ZNF326: variants seen among roughly 807,000 people sequenced by gnomAD.
The protein encoded by ZNF326 is DBIRD complex subunit ZNF326.
In ZNF326, 30 loss-of-function variants were observed where a neutral mutation model predicts 63.1. The observed-to-expected ratio is 0.48, with a 90% CI of 0.36 to 0.64. The LOEUF is 0.64. Ranked by LOEUF, ZNF326 falls within the 30% of genes least tolerant of loss-of-function variation. ZNF326 has a pLI of 0.00. For synonymous variants in ZNF326, 194 were observed against 228.2 expected, an observed-to-expected ratio of 0.85 and a Z score of 1.35; for missense variants, 609 against 720.3, an observed-to-expected ratio of 0.85 and a Z score of 1.77.
At chr1:89,996,218 G>A (rs77297285) in intron 1 of ZNF326, among the ~76,000 whole-genome samples, 7,725 of 152,228 alleles carry the variant, frequency 0.051, 259 homozygotes, top group Middle Eastern at 0.11. Context: ...GGAGACATGG[G>A]AAAGGACTTA....
At chr1:90,020,248 T>A (rs1649703612) in intron 9 of ZNF326, among the ~76,000 whole-genome samples, 1 of 152,024 alleles carries the variant, frequency 6.6e-6, no homozygotes, top group Admixed American at 6.6e-5. Flanking sequence ...AGGCCCTTCT[T>A]TTTTTCTATT....
chr1:90,003,885 ATTG>A (rs1570294838), intron 2 of ZNF326, among the ~76,000 whole-genome samples: 1 of 152,124 alleles, frequency 6.6e-6, no homozygotes, highest in Non-Finnish European at 1.5e-5. Context: ...TGTTGTCATT[ATTG>A]TTGGGACTAG....
chr1:90,003,193 C>T (rs1307179910), intron 2 of ZNF326, among the ~76,000 whole-genome samples: 2 of 151,044 alleles, frequency 1.3e-5, no homozygotes, highest in African/African-American at 4.9e-5. Flanking sequence ...TGCAGTGGCA[C>T]GATCTTGGCT....
In ZNF326 at chr1:90,030,987, A is replaced by G. The variant is rs1416610684; in HGVS notation, c.*3286A>G. 2 of 152,234 alleles carry G rather than the reference A, an allele frequency of 1.3e-5. No homozygotes were observed. Among genetic ancestry groups the G allele is most frequent in the Non-Finnish European group, 2.9e-5 (2 of 68,044 alleles). The allele number at this position is 152,234 out of a possible 1,614,324, so 9.4% of individuals were successfully genotyped here. A position where few individuals can be genotyped will look rare whatever the true frequency, so the allele number is the denominator to read the frequency against. On this transcript the variant is annotated 3_prime_UTR_variant, in exon 12 of 12. Transcript: ENST00000340281. ...TGGAGGTGATATATTTTTAACAAAT[A>G]TCTCACATGATTTTGAAGGTAGTGG...
chr1:90,022,205 A>T (rs551795473), intron 10 of ZNF326, 45 bp from the exon 11 acceptor site: 1 of 1,351,250 alleles, frequency 7.4e-7, no homozygotes, highest in Admixed American at 2.1e-5. Context: ...AATATTTTTC[A>T]TGGCATGGTT....
chr1:90,017,497 T>G, intron 8 of ZNF326, 33 bp downstream of exon 8: 1 of 1,546,824 alleles, frequency 6.5e-7, no homozygotes, highest in Non-Finnish European at 8.7e-7. Context: ...AGAAGCATTT[T>G]ATTGATATGA....
chr1:90,009,977 C>A, intron 5 of ZNF326, 111 bp from the exon 6 acceptor site: 1 of 1,026,514 alleles, frequency 9.7e-7, no homozygotes, highest in Non-Finnish European at 1.4e-6. Context: ...TAGTTACATT[C>A]CAGGGAATTT....
chr1:89,995,882 G>A (rs1648342893), intron 1 of ZNF326, among the ~76,000 whole-genome samples: 1 of 152,164 alleles, frequency 6.6e-6, no homozygotes, highest in Admixed American at 6.5e-5. Context: ...AAAATTACCT[G>A]CTTATTAATC....
intron 1 of ZNF326, among the ~76,000 whole-genome samples, chr1:89,997,206 A>G (rs1233083986): frequency 6.6e-6 from 1 of 152,152 alleles, no homozygotes; most frequent in Non-Finnish European, 1.5e-5. Context: ...ACTATATTAA[A>G]TTCTGTTCTT....
chr1:89,996,703 C>CA (rs1648393976), intron 1 of ZNF326, among the ~76,000 whole-genome samples: 1 of 151,172 alleles, frequency 6.6e-6, no homozygotes, highest in African/African-American at 2.4e-5. Flanking sequence ...CGTGCCATTG[C>CA]ACTCTAGCCT....
At chr1:90,023,358 T>G (rs1023652705) in intron 11 of ZNF326, among the ~76,000 whole-genome samples, 2 of 152,218 alleles carry the variant, frequency 1.3e-5, no homozygotes, top group African/African-American at 4.8e-5. Context: ...TTTGTTTATT[T>G]TGTCTATTGT....
In ZNF326 at chr1:90,005,927, T is replaced by C. The variant is rs973432422; in HGVS notation, c.209+683T>C. ...TTTCCTGTTACTACTGTATAAAGCTTAAACCTACTTAAACAACTACAAGCT... is the reference window on the plus strand; with the variant it reads ...TTTCCTGTTACTACTGTATAAAGCTCAAACCTACTTAAACAACTACAAGCT... On this transcript the variant is annotated intron_variant, in intron 4 of 11. Transcript: ENST00000340281. 8 of 985,446 alleles carry C rather than the reference T, an allele frequency of 8.1e-6. No homozygotes were observed. In the African/African-American group the frequency reaches 1.2e-4, roughly 15 times the overall value. 61.0% of individuals were successfully genotyped at this position (985,446 alleles called of 1,614,324 possible). A position where few individuals can be genotyped will look rare whatever the true frequency, so the allele number is the denominator to read the frequency against.
At chr1:89,997,044 G>A (rs1369146011) in intron 1 of ZNF326, among the ~76,000 whole-genome samples, 2 of 152,220 alleles carry the variant, frequency 1.3e-5, no homozygotes, top group Admixed American at 6.5e-5. Flanking sequence ...CAGTGTCAGT[G>A]ATAGAAATTC....
intron 11 of ZNF326, 92 bp from the exon 12 acceptor site, chr1:90,027,258 CATTT>C (rs1557532130): frequency 2.6e-6 from 3 of 1,133,376 alleles, no homozygotes; most frequent in East Asian, 2.4e-5. Context: ...TTCAAAATGG[CATTT>C]ATTTCTCATG....
At chr1:90,017,628 C>T (rs1300883093) in intron 8 of ZNF326, among the ~76,000 whole-genome samples, 164 bp downstream of exon 8, 1 of 152,194 alleles carries the variant, frequency 6.6e-6, no homozygotes, top group Non-Finnish European at 1.5e-5. Flanking sequence ...GTGAATTCCT[C>T]TATAATAGAA....
chr1:89,998,890 CAAAGTA>C (rs1373802654), intron 2 of ZNF326, among the ~76,000 whole-genome samples: 6 of 152,080 alleles, frequency 3.9e-5, no homozygotes, highest in Non-Finnish European at 8.8e-5. Flanking sequence ...AATATATTCA[CAAAGTA>C]AAACTGAAGC....
At position 90,030,549 on chromosome 1, in the gene ZNF326, C is replaced by T. The variant is rs1234567040; in HGVS notation, c.*2848C>T. 1 of 152,134 alleles carries T rather than the reference C, an allele frequency of 6.6e-6. No individual in the cohort carries two copies. Among genetic ancestry groups the T allele is most frequent in the Admixed American group, 6.5e-5 (1 of 15,278 alleles). 9.4% of individuals were successfully genotyped at this position (152,134 alleles called of 1,614,324 possible). On this transcript the variant is annotated 3_prime_UTR_variant, in exon 12 of 12. Coordinates refer to ENST00000340281, the MANE Select transcript of ZNF326 (RefSeq NM_182976.4). ...TTTCCTTGGCTGATTCTTCATCCTT[C>T]AGGTCACCTTAAATGTTAGAAAAGG...
At position 90,032,490 on chromosome 1, in the gene ZNF326, G is replaced by A. The variant is rs745699011; in HGVS notation, c.*4789G>A. The A allele has an allele frequency of 6.6e-5, 10 of 152,234 alleles. No homozygotes were observed. The highest frequency in any genetic ancestry group is 1.3e-4 in the Admixed American group (2 of 15,286). The allele number at this position is 152,234 out of a possible 1,614,324, so 9.4% of individuals were successfully genotyped here. ...TAAATTCTAAAGTTCTATTAAAATT[G>A]TAGAGGAGATACAATAATACAAATT... On this transcript the variant is annotated 3_prime_UTR_variant, in exon 12 of 12. Coordinates refer to ENST00000340281, the MANE Select transcript of ZNF326 (RefSeq NM_182976.4).
intron 1 of ZNF326, among the ~76,000 whole-genome samples, chr1:89,997,733 C>T (rs986993276): frequency 7.2e-5 from 11 of 152,170 alleles, no homozygotes; most frequent in Admixed American, 3.9e-4. Context: ...GCAAAAATTT[C>T]ATGTTACGTA....
Sources: gnomAD v4.1 joint callset for allele counts (sites outside exome capture counted in the v4.1 genomes callset) on GRCh38, gnomAD v4.1.1 for gene constraint, MANE v1.5 for transcripts, NCBI Gene and HGNC (gene_info 2026-07-23, HGNC 2026-07-21) for gene names.